The following MYO1E variants were observed in gnomAD, a reference collection of about 807,000 sequenced individuals.
MYO1E encodes the protein myosin IE, also known as unconventional myosin-Ie.
A neutral mutation model predicts 151.1 loss-of-function variants in MYO1E; 68 were observed. The ratio of observed to expected loss-of-function variants is 0.45; its 90% CI spans 0.37 to 0.55. MYO1E has a LOEUF of 0.55. Ranked by LOEUF, MYO1E falls within the 20% of genes least tolerant of loss-of-function variation. The pLI is 0.00. For missense variants in MYO1E, 1,363 were observed against 1,389.3 expected (o/e 0.98, Z 0.30); for synonymous variants, 601 against 501.7 (o/e 1.20, Z -2.64).
rs1555405929 is a variant in MYO1E at position 59,135,783 on chromosome 15, C to CTAAGT, written c.*1592_*1596dup. 1 of 152,166 alleles carries CTAAGT rather than the reference C, an allele frequency of 6.6e-6. No homozygotes were observed. The highest frequency in any genetic ancestry group is 2.4e-5 in the African/African-American group (1 of 41,436). The allele number at this position is 152,166 out of a possible 1,614,324, so 9.4% of individuals were successfully genotyped here. On this transcript the variant is annotated 3_prime_UTR_variant, in exon 28 of 28. Transcript: ENST00000288235. ...CTCAAAGGTGTATGCTGCTCAAACT[C>CTAAGT]TAAGTTACCAGTAGCTTAAGAATGG... is the stretch of plus-strand genomic sequence containing the variant.
chr15:59,198,796 G>T (rs2079783626), intron 16 of MYO1E, among the ~76,000 whole-genome samples: 1 of 150,596 alleles, frequency 6.6e-6, no homozygotes, highest in African/African-American at 2.4e-5. Context: ...TTCAGCCTGG[G>T]TGACACAGCA....
chr15:59,333,022 T>C lies in MYO1E; in HGVS notation c.3+39476A>G, dbSNP rs1017573599. 2.0e-5 allele frequency among the ~76,000 whole-genome samples: 3 copies of C among 152,198 alleles called. No individual in the cohort carries two copies. The South Asian group carries it at 6.2e-4, about 32-fold the overall frequency. The stretch of plus-strand genomic sequence containing the variant: ...CAGAGATGTGCATTCCAAATTTTTC[T>C]TTCCTTTTCATAAAGACTTGATCGT... On this transcript the variant is annotated intron_variant, in intron 1 of 27. Coordinates refer to ENST00000288235, the MANE Select transcript of MYO1E (RefSeq NM_004998.4).
At chr15:59,191,278 A>T (rs1488774290) in intron 17 of MYO1E, among the ~76,000 whole-genome samples, 1 of 151,254 alleles carries the variant, frequency 6.6e-6, no homozygotes, top group Non-Finnish European at 1.5e-5. Context: ...ACACAGTGAA[A>T]CCCCGTCTGT....
At chr15:59,308,835 T>C (rs113708338) in intron 1 of MYO1E, among the ~76,000 whole-genome samples, 14 of 80,986 alleles carry the variant, frequency 1.7e-4, no homozygotes, top group African/African-American at 5.2e-4. Context: ...CAAAACTCCA[T>C]CTCAAAAAAA....
chr15:59,219,387 C>A (rs1387212518), intron 9 of MYO1E, among the ~76,000 whole-genome samples: 13 of 152,082 alleles, frequency 8.5e-5, no homozygotes, highest in African/African-American at 3.1e-4. Context: ...TAATGCTTTA[C>A]CAAAATTATC....
intron 6 of MYO1E, among the ~76,000 whole-genome samples, chr15:59,227,838 T>C (rs1450616379): frequency 1.3e-5 from 2 of 152,198 alleles, no homozygotes; most frequent in African/African-American, 4.8e-5. Flanking sequence ...TATGCTCTAT[T>C]CCTTGCTCAT....
At chr15:59,173,572 A>G (rs2079607868) in intron 21 of MYO1E, among the ~76,000 whole-genome samples, 174 bp downstream of exon 21, 1 of 152,236 alleles carries the variant, frequency 6.6e-6, no homozygotes, top group South Asian at 2.1e-4. Flanking sequence ...CAGAATGTTA[A>G]CAGTGAATGT....
At chr15:59,157,221 A>C (rs564764025) in intron 25 of MYO1E, among the ~76,000 whole-genome samples, 2 of 152,254 alleles carry the variant, frequency 1.3e-5, no homozygotes, top group Admixed American at 6.5e-5. Context: ...ACCCCATCCC[A>C]AAAAAAGAAG....
At chr15:59,310,563 A>C (rs1596411398) in intron 1 of MYO1E, among the ~76,000 whole-genome samples, 1 of 152,206 alleles carries the variant, frequency 6.6e-6, no homozygotes, top group African/African-American at 2.4e-5. Flanking sequence ...GAAGCTGAGC[A>C]AAAGCATGGA....
intron 10 of MYO1E, among the ~76,000 whole-genome samples, chr15:59,216,691 T>TCCACACAC (rs2079920482): frequency 1.8e-5 from 1 of 56,516 alleles, no homozygotes; most frequent in Non-Finnish European, 3.4e-5. Context: ...TATATACACA[T>TCCACACAC]ACACACACAC....
At chr15:59,255,096 A>C (rs1181494767) in intron 4 of MYO1E, among the ~76,000 whole-genome samples, 1 of 151,316 alleles carries the variant, frequency 6.6e-6, no homozygotes, top group Non-Finnish European at 1.5e-5. Flanking sequence ...CTAAGGTATA[A>C]GCCTTTTTTT....
intron 1 of MYO1E, among the ~76,000 whole-genome samples, chr15:59,292,250 G>GT (rs1237849203): frequency 6.6e-6 from 1 of 152,156 alleles, no homozygotes; most frequent in Non-Finnish European, 1.5e-5. Context: ...AAATTCATCA[G>GT]TTTTGTTTCA....
chr15:59,211,390 T>G (rs762648163), intron 12 of MYO1E, among the ~76,000 whole-genome samples: 3 of 152,122 alleles, frequency 2.0e-5, no homozygotes, highest in Non-Finnish European at 4.4e-5. Context: ...TTTCCAGACC[T>G]TTATATGTGG....
chr15:59,214,085 A>G (rs2079898399), intron 12 of MYO1E, 143 bp downstream of exon 12: 1 of 659,124 alleles, frequency 1.5e-6, no homozygotes, highest in African/African-American at 1.8e-5. Flanking sequence ...ACAATGGCAT[A>G]TGGTTTTTCT....
chr15:59,228,184 T>C (rs2080003433), intron 6 of MYO1E, among the ~76,000 whole-genome samples: 1 of 152,160 alleles, frequency 6.6e-6, no homozygotes, highest in South Asian at 2.1e-4. Context: ...ATCTAGGTTG[T>C]TATATTAATT....
chr15:59,280,668 G>C (rs2080348162), intron 1 of MYO1E, among the ~76,000 whole-genome samples: 1 of 150,746 alleles, frequency 6.6e-6, no homozygotes, highest in Admixed American at 6.6e-5. Flanking sequence ...ATGTGTTATA[G>C]CTTAACTGGC....
chr15:59,169,885 C>A (rs1296351941), intron 22 of MYO1E, among the ~76,000 whole-genome samples: 3 of 152,120 alleles, frequency 2.0e-5, no homozygotes, highest in Non-Finnish European at 4.4e-5. Context: ...CAAGGCCAGG[C>A]ACGGTGGCTC....
intron 14 of MYO1E, chr15:59,208,323 T>C (rs1366159733): frequency 3.5e-6 from 2 of 563,798 alleles, no homozygotes; most frequent in East Asian, 3.2e-5. Flanking sequence ...TGCCATGTTA[T>C]ATATATGTAG....
chr15:59,280,225 A>G (rs1228980254), intron 1 of MYO1E, among the ~76,000 whole-genome samples: 2 of 152,242 alleles, frequency 1.3e-5, no homozygotes, highest in African/African-American at 2.4e-5. Flanking sequence ...ATCATTTTCT[A>G]TATCAATGAA....
Sources: gnomAD v4.1 joint callset for allele counts (sites outside exome capture counted in the v4.1 genomes callset) on GRCh38, gnomAD v4.1.1 for gene constraint, MANE v1.5 for transcripts, NCBI Gene and HGNC (gene_info 2026-07-23, HGNC 2026-07-21) for gene names.